The following ADGRE3 variants were observed in gnomAD, a reference collection of about 807,000 sequenced individuals.
ADGRE3 encodes the protein EGF-like module receptor 3.
Under a neutral mutation model 80.1 loss-of-function variants are expected in ADGRE3, and 88 were observed. That is an observed-to-expected ratio of 1.10 (90% confidence interval 0.93 to 1.31). The LOEUF is 1.31. ADGRE3 is among the 40% of genes most tolerant of loss of function. The pLI is 0.00. For synonymous variants in ADGRE3, 281 were observed against 294.8 expected, an observed-to-expected ratio of 0.95 and a Z score of 0.48; for missense variants, 715 against 776.5, an observed-to-expected ratio of 0.92 and a Z score of 0.94.
intron 7 of ADGRE3, among the ~76,000 whole-genome samples, chr19:14,650,404 C>T (rs910747355): frequency 1.0e-4 from 15 of 150,474 alleles, no homozygotes; most frequent in Non-Finnish European, 2.1e-4. Context: ...CTCTTTCCAT[C>T]GCTGTCCCCA....
At chr19:14,663,204 T>C (rs967320391) in intron 3 of ADGRE3, among the ~76,000 whole-genome samples, 2 of 151,898 alleles carry the variant, frequency 1.3e-5, no homozygotes, top group Non-Finnish European at 2.9e-5. Flanking sequence ...GGTTTTGTCA[T>C]GTTGGCCAGA....
At chr19:14,656,596 G>T (rs980750661) in intron 5 of ADGRE3, among the ~76,000 whole-genome samples, 1 of 152,036 alleles carries the variant, frequency 6.6e-6, no homozygotes, top group African/African-American at 2.4e-5. Context: ...CTACCCACTT[G>T]GCCAGTACCA....
At chr19:14,663,101 C>T (rs1404526023) in intron 3 of ADGRE3, among the ~76,000 whole-genome samples, 1 of 151,966 alleles carries the variant, frequency 6.6e-6, no homozygotes, top group East Asian at 1.9e-4. Context: ...CTCCCAGGTT[C>T]AAGCTATTCT....
chr19:14,640,141 T>C (rs1327853039), intron 10 of ADGRE3, among the ~76,000 whole-genome samples: 1 of 152,216 alleles, frequency 6.6e-6, no homozygotes, highest in Admixed American at 6.5e-5. Flanking sequence ...GGTTCATCCA[T>C]GTTATCACAA....
chr19:14,657,615 T>C (rs1971805133), intron 5 of ADGRE3, among the ~76,000 whole-genome samples: 1 of 151,912 alleles, frequency 6.6e-6, no homozygotes, highest in Non-Finnish European at 1.5e-5. Context: ...TGGCATTGGT[T>C]CCAGGATCGT....
chr19:14,617,341 C>CTTTCTTTCTTTCTTTCTTTCTTT (rs1599593839), downstream of ADGRE3, among the ~76,000 whole-genome samples: 9 of 57,262 alleles, frequency 1.6e-4, no homozygotes, highest in South Asian at 2.2e-3. Context: ...TCCCTCCCTC[C>CTTTCTTTCTTTCTTTCTTTCTTT]CTTTCTTTCT....
At chr19:14,604,178 C>A in the ADGRE3 span, among the ~76,000 whole-genome samples, 2 of 152,140 alleles carry the variant, frequency 1.3e-5, no homozygotes, top group African/African-American at 2.4e-5. Flanking sequence ...TTTTCTGACA[C>A]CTCCCTGGGG....
At chr19:14,602,129 G>C in the ADGRE3 span, among the ~76,000 whole-genome samples, 123 of 151,888 alleles carry the variant, frequency 8.1e-4, 3 homozygotes, top group East Asian at 0.021. Flanking sequence ...ACAGGGTCTT[G>C]CTATGTTGCC....
chr19:14,627,477 A>G (rs1970765683), intron 14 of ADGRE3, among the ~76,000 whole-genome samples: 1 of 152,106 alleles, frequency 6.6e-6, no homozygotes, highest in Admixed American at 6.6e-5. Flanking sequence ...TGCCAGGTTA[A>G]AGTGATTCTC....
chr19:14,621,237 G>C (rs1317131169), intron 15 of ADGRE3, among the ~76,000 whole-genome samples: 3 of 152,038 alleles, frequency 2.0e-5, no homozygotes, highest in Admixed American at 6.6e-5. Flanking sequence ...CGGATCACTT[G>C]AGATCAGGAG....
chr19:14,606,857 C>T, the ADGRE3 span: 2 of 359,274 alleles, frequency 5.6e-6, no homozygotes, highest in Admixed American at 4.7e-5. Flanking sequence ...TCCTGTTCTG[C>T]ATACCATGGG....
chr19:14,664,880 GCTGT>G (rs2146901684), intron 2 of ADGRE3, among the ~76,000 whole-genome samples: 2 of 151,886 alleles, frequency 1.3e-5, no homozygotes, highest in Admixed American at 1.3e-4. Flanking sequence ...CAGATTCTGA[GCTGT>G]CTACTGCTTA....
chr19:14,611,785 T>G, the ADGRE3 span, among the ~76,000 whole-genome samples: 2 of 152,146 alleles, frequency 1.3e-5, no homozygotes, highest in African/African-American at 4.8e-5. Context: ...GCTGATCACC[T>G]GGGGTCAGGA....
At chr19:14,617,278 G>A (rs115743389), downstream of ADGRE3, among the ~76,000 whole-genome samples, 4,002 of 118,932 alleles carry the variant, frequency 0.034, 192 homozygotes, top group African/African-American at 0.12. Flanking sequence ...TTTCTTTTTC[G>A]TTCTTTCTCT....
At chr19:14,650,489 C>T (rs1971562530) in intron 7 of ADGRE3, among the ~76,000 whole-genome samples, 1 of 150,854 alleles carries the variant, frequency 6.6e-6, no homozygotes, top group Non-Finnish European at 1.5e-5. Context: ...TCTTTCTCTC[C>T]CCATCTCTCT....
At chr19:14,663,763 T>G (rs1055239642) in intron 2 of ADGRE3, among the ~76,000 whole-genome samples, 1 of 151,368 alleles carries the variant, frequency 6.6e-6, no homozygotes, top group African/African-American at 2.4e-5. Context: ...TGTTTGAACC[T>G]GTGAGGCGGA....
In ADGRE3 at chr19:14,623,299, T is replaced by TA. The variant is rs1325415854; in HGVS notation, c.1920+2192dup. On this transcript the variant is annotated intron_variant, in intron 15 of 15. Transcript: ENST00000253673. ...CCTAAAATACTTAAAAAAAAAAAAA[T>TA]AAAAAAAAAAAAAAATAAAACTCCT... 2.5e-3 allele frequency among the ~76,000 whole-genome samples: 42 copies of TA among 16,682 alleles called. 5 individuals carry two copies. Among genetic ancestry groups the TA allele is most frequent in the South Asian group, 0.016 (2 of 126 alleles). The allele number at this position is 16,682 out of a possible 152,430, so 10.9% of individuals were successfully genotyped here.
At chr19:14,625,405 A>G (rs954552673) in intron 15 of ADGRE3, 87 bp downstream of exon 15, 6 of 911,394 alleles carry the variant, frequency 6.6e-6, no homozygotes, top group East Asian at 4.9e-5. Context: ...AAAAACAAAC[A>G]AACAAAAAAA....
At chr19:14,648,224 C>A (rs4808849) in intron 7 of ADGRE3, among the ~76,000 whole-genome samples, 48,093 of 151,956 alleles carry the variant, frequency 0.32, 7,788 homozygotes, top group Middle Eastern at 0.43. Context: ...ACGGTGGGCA[C>A]CCTGGCTCGA....
Sources: allele counts gnomAD v4.1 joint callset (sites outside exome capture counted in the v4.1 genomes callset), GRCh38; gene constraint gnomAD v4.1.1; transcripts MANE v1.5; gene names NCBI Gene and HGNC (gene_info 2026-07-23, HGNC 2026-07-21).